The following SLC44A5 variants were observed in gnomAD, a reference collection of about 807,000 sequenced individuals.
The protein encoded by SLC44A5 is solute carrier family 44 member 5.
A neutral mutation model predicts 101.8 loss-of-function variants in SLC44A5; 57 were observed. The observed-to-expected ratio is 0.56, with a 90% CI of 0.45 to 0.70. SLC44A5 has a LOEUF of 0.70. Ranked by LOEUF, SLC44A5 falls within the 30% of genes least tolerant of loss-of-function variation. The pLI is 0.00. For missense variants in SLC44A5, 737 were observed against 853.1 expected (o/e 0.86, Z 1.70); for synonymous variants, 281 against 290.9 (o/e 0.97, Z 0.35).
At chr1:75,416,976 C>G (rs1385753442) in intron 2 of SLC44A5, among the ~76,000 whole-genome samples, 1 of 152,068 alleles carries the variant, frequency 6.6e-6, no homozygotes, top group Non-Finnish European at 1.5e-5. Flanking sequence ...CAAGATGAGA[C>G]TTTGGACTGT....
chr1:75,606,820 C>G lies in SLC44A5; in HGVS notation c.-70+4220G>C, dbSNP rs150271176. Among the ~76,000 whole-genome samples, 866 of 152,108 alleles carry G rather than the reference C, an allele frequency of 5.7e-3. 15 individuals carry two copies. The highest frequency in any genetic ancestry group is 0.035 in the Admixed American group (528 of 15,240). Reference sequence around the variant, plus strand: ...TTGATTATCATTTTCCTCCTTGATACACTTTCTTCCTTGGTTCCAAGACCC... The same window carrying G: ...TTGATTATCATTTTCCTCCTTGATAGACTTTCTTCCTTGGTTCCAAGACCC... On this transcript the variant is annotated intron_variant, in intron 1 of 23. Coordinates refer to ENST00000370859, the MANE Select transcript of SLC44A5 (RefSeq NM_001130058.2).
Position 75,380,888 on chromosome 1 carries a change from T to C in SLC44A5, c.52+15695A>G, listed in dbSNP as rs1351075161. Among the ~76,000 whole-genome samples, 4 of 82,250 alleles carry C rather than the reference T, an allele frequency of 4.9e-5. 2 individuals carry two copies. The highest frequency in any genetic ancestry group is 8.4e-5 in the Non-Finnish European group (4 of 47,746). 54.0% of individuals were successfully genotyped at this position (82,250 alleles called of 152,430 possible). On this transcript the variant is annotated intron_variant, in intron 3 of 23. Transcript: ENST00000370859. ...GCCAAACCTGAGGAAGAAGGGATGA[T>C]GATAAATATTTCCATTGGGTATCGT...
At chr1:75,412,346 C>A (rs1039236224) in intron 2 of SLC44A5, among the ~76,000 whole-genome samples, 1 of 152,110 alleles carries the variant, frequency 6.6e-6, no homozygotes, top group Non-Finnish European at 1.5e-5. Flanking sequence ...CAAGGAGGAA[C>A]AATTTGTGAC....
chr1:75,541,355 C>T, intron 2 of SLC44A5, 80 bp downstream of exon 2: 2 of 1,067,168 alleles, frequency 1.9e-6, no homozygotes, highest in Admixed American at 1.8e-5. Context: ...TTCTATTTGT[C>T]CTTATTTAAT....
chr1:75,306,761 G>T, intron 4 of SLC44A5, among the ~76,000 whole-genome samples: 1 of 77,814 alleles, frequency 1.3e-5, no homozygotes, highest in Admixed American at 1.6e-4. Context: ...TTGAGACGGA[G>T]TCTTGCTCTG....
intron 4 of SLC44A5, among the ~76,000 whole-genome samples, chr1:75,318,997 G>A (rs1655933736): frequency 6.6e-6 from 1 of 151,892 alleles, no homozygotes. Flanking sequence ...TTCTGGATCT[G>A]CAAATATGTA....
At chr1:75,679,444 T>TG in the SLC44A5 span, among the ~76,000 whole-genome samples, 4 of 151,146 alleles carry the variant, frequency 2.6e-5, no homozygotes, top group South Asian at 2.1e-4. Context: ...CAGAAGAGAG[T>TG]GGGGGCCAAT....
At chr1:75,528,116 C>A (rs1049685838) in intron 2 of SLC44A5, among the ~76,000 whole-genome samples, 1 of 151,990 alleles carries the variant, frequency 6.6e-6, no homozygotes, top group Admixed American at 6.6e-5. Flanking sequence ...ATTTTTTTTC[C>A]AGTTCTGAGA....
chr1:75,620,234 G>T, the SLC44A5 span, among the ~76,000 whole-genome samples: 1 of 152,190 alleles, frequency 6.6e-6, no homozygotes, highest in African/African-American at 2.4e-5. Flanking sequence ...GTCTATCACT[G>T]TTGGGCCTTT....
intron 8 of SLC44A5, 35 bp downstream of exon 8, chr1:75,242,851 A>C: frequency 6.5e-7 from 1 of 1,539,052 alleles, no homozygotes; most frequent in Non-Finnish European, 8.7e-7. Context: ...AAAAAAGTTA[A>C]ATTGTTCTCT....
the SLC44A5 span, chr1:75,677,910 G>C: frequency 1.9e-5 from 5 of 257,246 alleles, no homozygotes; most frequent in Admixed American, 1.1e-4. Flanking sequence ...TGCACGCACC[G>C]TGCACGAGCC....
At chr1:75,414,055 T>A (rs920156971) in intron 2 of SLC44A5, among the ~76,000 whole-genome samples, 2 of 152,080 alleles carry the variant, frequency 1.3e-5, no homozygotes, top group Non-Finnish European at 2.9e-5. Context: ...TTCTATCAGT[T>A]TTTTTTCTTC....
chr1:75,429,322 A>G (rs1489398181), intron 2 of SLC44A5, among the ~76,000 whole-genome samples: 3 of 152,200 alleles, frequency 2.0e-5, no homozygotes, highest in East Asian at 3.9e-4. Flanking sequence ...CTTGTGCTAC[A>G]AGTTCTTGTT....
chr1:75,217,440 G>A (rs1175147105), intron 18 of SLC44A5, among the ~76,000 whole-genome samples: 1 of 151,958 alleles, frequency 6.6e-6, no homozygotes, highest in Non-Finnish European at 1.5e-5. Flanking sequence ...CAAAGTTTAT[G>A]TGTTTGTAAA....
the SLC44A5 span, among the ~76,000 whole-genome samples, chr1:75,714,352 AC>A: frequency 6.6e-6 from 1 of 152,142 alleles, no homozygotes; most frequent in Non-Finnish European, 1.5e-5. Context: ...AAAACCCTCA[AC>A]TAACTAGGTA....
intron 18 of SLC44A5, among the ~76,000 whole-genome samples, chr1:75,216,424 T>C (rs1262650359): frequency 6.6e-6 from 1 of 151,908 alleles, no homozygotes; most frequent in African/African-American, 2.4e-5. Context: ...AAGTATCTGT[T>C]TGAGTTCCTT....
chr1:75,369,899 G>A (rs1212769676), intron 3 of SLC44A5, among the ~76,000 whole-genome samples: 2 of 152,170 alleles, frequency 1.3e-5, no homozygotes, highest in Non-Finnish European at 2.9e-5. Context: ...GCTTGGCCTT[G>A]AAACTTACTG....
At chr1:75,270,349 A>T (rs1237657077) in intron 6 of SLC44A5, among the ~76,000 whole-genome samples, 1 of 152,162 alleles carries the variant, frequency 6.6e-6, no homozygotes, top group Non-Finnish European at 1.5e-5. Context: ...TTAAAAATGT[A>T]CATTAGAGCA....
chr1:75,589,838 T>C (rs971915949), intron 1 of SLC44A5, among the ~76,000 whole-genome samples: 1 of 152,142 alleles, frequency 6.6e-6, no homozygotes, highest in Non-Finnish European at 1.5e-5. Context: ...CAAACTCAGC[T>C]GATGCCCCCT....
Sources: gnomAD v4.1 joint callset for allele counts (sites outside exome capture counted in the v4.1 genomes callset) on GRCh38, gnomAD v4.1.1 for gene constraint, MANE v1.5 for transcripts, NCBI Gene and HGNC (gene_info 2026-07-23, HGNC 2026-07-21) for gene names.